The following PLXND1 variants were observed in gnomAD, a reference collection of about 807,000 sequenced individuals.
PLXND1 encodes plexin D1.
PLXND1 carries 54 observed loss-of-function variants against 197.7 expected under a neutral mutation model. The ratio of observed to expected loss-of-function variants is 0.27; its 90% confidence interval spans 0.22 to 0.34. The LOEUF (loss-of-function observed/expected upper bound fraction) is 0.34, where lower values mean the gene tolerates loss of function less well. Ranked by LOEUF, PLXND1 falls within the 10% of genes least tolerant of loss-of-function variation. The pLI, the probability that PLXND1 is intolerant of heterozygous loss-of-function variation, is 1.00. For missense variants in PLXND1, 2,127 were observed against 2,699.2 expected, an observed-to-expected ratio of 0.79 and a Z score of 4.70; for synonymous variants, 1,180 against 1,161.2, an observed-to-expected ratio of 1.02 and a Z score of -0.33.
At chr3:129,573,568 T>C in intron 13 of PLXND1, 26 bp downstream of exon 13, 2 of 1,603,830 alleles carry the variant, frequency 1.2e-6, no homozygotes, top group Non-Finnish European at 1.7e-6. Context: ...CTGGAGAAGG[T>C]AGGTGGGGGC....
At chr3:129,574,190 A>G (rs923617762) in intron 12 of PLXND1, 146 bp downstream of exon 12, 10 of 677,042 alleles carry the variant, frequency 1.5e-5, no homozygotes, top group Admixed American at 1.2e-4. Context: ...TGTGAGGCAG[A>G]GCACTTCCTT....
At position 129,567,530 on chromosome 3, in the gene PLXND1, C is replaced by T; in HGVS notation, c.4048G>A (p.Glu1350Lys). 1 of 1,610,646 alleles carries T rather than the reference C, an allele frequency of 6.2e-7. No homozygotes were observed. The highest frequency in any genetic ancestry group is 1.1e-5 in the South Asian group (1 of 90,504). Residue 1350 changes from glutamate (E) to lysine (K), a missense_variant, in exon 22 of 36, where the codon GAG becomes AAG. This residue lies in a region of PLXND1 where 532 missense variants were observed against 811.0 expected (regional missense o/e 0.66). Transcript: ENST00000324093. ...GTGCGGGTCACGAAGTGCTTATACT[C>T]CAGGAAGGGGATGCCCTGGCTGCGG... ...LNRSQGIPFLEYKHFVTRTFF... is the reference protein window; with the variant it reads ...LNRSQGIPFLKYKHFVTRTFF...
intron 16 of PLXND1, 38 bp from the exon 17 acceptor site, chr3:129,571,637 C>T (rs1296887200): frequency 6.2e-7 from 1 of 1,613,752 alleles, no homozygotes; most frequent in Admixed American, 1.7e-5. Flanking sequence ...GCACCTGCAG[C>T]CCCAGAGAGC....
At position 129,583,487 on chromosome 3, in the gene PLXND1, T is replaced by A. The variant is rs1021893727; in HGVS notation, c.2241+80A>T. The stretch of plus-strand genomic sequence containing the variant: ...AGCTAAGGCGGAATATGCAAAGGCA[T>A]TGAAACATTCTCAACATGTGAATTT... On this transcript the variant is annotated intron_variant, in intron 8 of 35. Transcript: ENST00000324093. The A allele has an allele frequency of 2.8e-5, 25 of 904,008 alleles. No individual in the cohort carries two copies. In the African/African-American group the frequency reaches 4.2e-4, roughly 15 times the overall value. The allele number at this position is 904,008 out of a possible 1,614,324, so 56.0% of individuals were successfully genotyped here. A position where few individuals can be genotyped will look rare whatever the true frequency, so the allele number is the denominator to read the frequency against.
rs747728311 is a variant in PLXND1, at chr3:129,562,786, C to T, written c.4825+1G>A. 2 of 1,590,412 alleles carry T rather than the reference C, an allele frequency of 1.3e-6. No homozygotes were observed. Among genetic ancestry groups the T allele is most frequent in the Non-Finnish European group, 1.7e-6 (2 of 1,160,914 alleles). Reference sequence around the variant, plus strand: ...GGGTCTCTGCCCCCATTCCCACCCACCAAGGTCGACGTCCTCTGCACGCGG... The same window carrying T: ...GGGTCTCTGCCCCCATTCCCACCCATCAAGGTCGACGTCCTCTGCACGCGG... On this transcript the variant is annotated splice_donor_variant, in intron 27 of 35. Coordinates refer to ENST00000324093, the MANE Select transcript of PLXND1 (RefSeq NM_015103.3). LOFTEE classifies it high-confidence loss of function.
chr3:129,584,678 G>A, intron 5 of PLXND1, 116 bp from the exon 6 acceptor site: 1 of 994,270 alleles, frequency 1.0e-6, no homozygotes, highest in Non-Finnish European at 1.5e-6. Flanking sequence ...GGGGGAAGGG[G>A]TAGTGGTGGC....
rs1190974444 is a variant in PLXND1, at chr3:129,605,979, A to G, written c.661T>C (p.Phe221Leu). The part of the protein sequence containing the change: ...ATYTGYGSSF[F>L]PRNRSLEDHR... The stretch of plus-strand genomic sequence containing the variant: ...TCCTCCAGGCTGCGGTTGCGCGGGA[A>G]GAAGGAGCTGCCGTAACCGGTGTAC... The change falls in exon 1 of 36, where the codon TTC becomes CTC. Residue 221 changes from phenylalanine to leucine, a missense_variant. Physicochemically the swap from Phe to Leu is conservative, Grantham distance 22. Coordinates refer to ENST00000324093, the MANE Select transcript of PLXND1 (RefSeq NM_015103.3). The G allele has an allele frequency of 6.2e-7, 1 of 1,610,634 alleles. No individual in the cohort carries two copies. Among genetic ancestry groups the G allele is most frequent in the Non-Finnish European group, 8.5e-7 (1 of 1,179,524 alleles).
At chr3:129,592,834 A>T (rs1226441264) in intron 1 of PLXND1, among the ~76,000 whole-genome samples, 3 of 152,200 alleles carry the variant, frequency 2.0e-5, no homozygotes, top group Non-Finnish European at 4.4e-5. Context: ...AAACCGGCTC[A>T]AACACGGAAG....
chr3:129,565,790 GTCA>G, intron 24 of PLXND1, 94 bp downstream of exon 24: 1 of 1,336,874 alleles, frequency 7.5e-7, no homozygotes, highest in Non-Finnish European at 1.0e-6. Context: ...ATATGGGGGT[GTCA>G]AGAGCCCCAG....
In PLXND1 at chr3:129,571,291, G is replaced by C. The variant is rs2085223533; in HGVS notation, c.3349C>G (p.Leu1117Val). 5.6e-6 allele frequency: 9 copies of C among 1,612,818 alleles called. No individual in the cohort carries two copies. In the East Asian group the frequency reaches 2.0e-4, roughly 36 times the overall value. The change falls in exon 18 of 36, where the codon CTC becomes GTC. Residue 1117 changes from leucine to valine, a missense_variant. By Grantham distance (32) the Leu-to-Val change is conservative. This residue lies in a region of PLXND1 where 532 missense variants were observed against 811.0 expected (regional missense o/e 0.66). Coordinates refer to ENST00000324093, the MANE Select transcript of PLXND1 (RefSeq NM_015103.3). The stretch of plus-strand genomic sequence containing the variant: ...GGGCAGGTGATGAGGGTGGAGTTGA[G>C]AACCTTGCAGAGCTGGTGCAGGAGA... ...IGREPTLCKV[L>V]NSTLITCPSP...
rs1458821734 is a variant in PLXND1, at chr3:129,606,429, C to T, written c.211G>A (p.Val71Met). 2.0e-6 allele frequency: 3 copies of T among 1,474,994 alleles called. No individual in the cohort carries two copies. The highest frequency in any genetic ancestry group is 2.4e-5 in the Admixed American group (1 of 40,870). 91.4% of individuals were successfully genotyped at this position (1,474,994 alleles called of 1,614,324 possible). The change falls in exon 1 of 36, where the codon GTG becomes ATG. Residue 71 changes from valine to methionine, a missense_variant. By Grantham distance (21) the Val-to-Met change is conservative (BLOSUM62 1). Transcript: ENST00000324093. The part of the protein sequence containing the change: ...NFALDGAAGT[V>M]YLAAVNRLYQ... ...AGGCGGTTGACGGCCGCCAGGTACA[C>T]GGTCCCCGCCGCGCCGTCCAGGGCG... is the stretch of plus-strand genomic sequence containing the variant.
Position 129,606,047 on chromosome 3 carries a change from G to A in PLXND1, c.593C>T (p.Pro198Leu), listed in dbSNP as rs866799715. ...NASTVGLVLP[P>L]AAGAGGSRLL... ...GCGGCTGCCCCCCGCGCCCGCGGCGGGAGGCAGAACTAGCCCCACGGTGGA... is the reference window on the plus strand; with the variant it reads ...GCGGCTGCCCCCCGCGCCCGCGGCGAGAGGCAGAACTAGCCCCACGGTGGA... The change falls in exon 1 of 36, where the codon CCC becomes CTC. Residue 198 changes from proline to leucine, a missense_variant. By Grantham distance (98) the Pro-to-Leu change is moderately conservative. Transcript: ENST00000324093. 6.3e-7 allele frequency: 1 copy of A among 1,591,466 alleles called. No homozygotes were observed. The highest frequency in any genetic ancestry group is 2.3e-5 in the East Asian group (1 of 44,124).
At chr3:129,575,742 C>T (rs1056904950) in intron 10 of PLXND1, 24 bp downstream of exon 10, 3 of 1,551,912 alleles carry the variant, frequency 1.9e-6, no homozygotes, top group South Asian at 1.1e-5. Flanking sequence ...CGCCCTCCGC[C>T]CATGCTGGAG....
chr3:129,566,287 G>C (rs2085139232), intron 23 of PLXND1: 1 of 597,024 alleles, frequency 1.7e-6, no homozygotes, highest in East Asian at 2.8e-5. Flanking sequence ...GGTTGAGTGG[G>C]GTGTACAGGG....
Position 129,567,682 on chromosome 3 carries a change from G to T in PLXND1, c.3973+16C>A. On this transcript the variant is annotated intron_variant, in intron 21 of 35. Coordinates refer to ENST00000324093, the MANE Select transcript of PLXND1 (RefSeq NM_015103.3). ...GGAAAGTTGAGGCCCAGCCCTGCAGGGTCCCCGCCCACTACCTTTGCGGAT... is the reference window on the plus strand; with the variant it reads ...GGAAAGTTGAGGCCCAGCCCTGCAGTGTCCCCGCCCACTACCTTTGCGGAT... The T allele has an allele frequency of 6.3e-7, 1 of 1,587,216 alleles. No homozygotes were observed. Among genetic ancestry groups the T allele is most frequent in the Non-Finnish European group, 8.7e-7 (1 of 1,155,756 alleles).
intron 1 of PLXND1, among the ~76,000 whole-genome samples, chr3:129,592,725 T>A (rs6786987): frequency 0.71 from 107,312 of 152,176 alleles, 38,740 homozygotes; most frequent in Non-Finnish European, 0.77. Context: ...AATAAAATTT[T>A]AAAAAATTTT....
intron 3 of PLXND1, 70 bp from the exon 4 acceptor site, chr3:129,586,342 GC>G: frequency 8.0e-7 from 1 of 1,250,890 alleles, no homozygotes; most frequent in Non-Finnish European, 1.1e-6. Flanking sequence ...GGTACGGTCA[GC>G]ATGGTGCGGG....
rs2085801621 is a variant in PLXND1 at position 129,606,672 on chromosome 3, T to G, written c.-33A>C. On this transcript the variant is annotated 5_prime_UTR_variant, in exon 1 of 36. Transcript: ENST00000324093. Reference sequence around the variant, plus strand: ...TGCGCGGGCTGCGCGGCGCGGCGAGTGCATGGGGCGAGGCGCGGCCGGGAG... The same window carrying G: ...TGCGCGGGCTGCGCGGCGCGGCGAGGGCATGGGGCGAGGCGCGGCCGGGAG... 2 of 880,642 alleles carry G rather than the reference T, an allele frequency of 2.3e-6. No individual in the cohort carries two copies. The highest frequency in any genetic ancestry group is 1.4e-6 in the Non-Finnish European group (1 of 737,176). The allele number at this position is 880,642 out of a possible 1,614,324, so 54.6% of individuals were successfully genotyped here.
rs267599601 is a variant in PLXND1, at chr3:129,569,889, G to A, written c.3819C>T (p.Ile1273=). Reference sequence around the variant, plus strand: ...GGACGCTGCAGATGACGATGGACACGATGATGGCCGTCTCGCTGCCCCCCA... The same window carrying A: ...GGACGCTGCAGATGACGATGGACACAATGATGGCCGTCTCGCTGCCCCCCA... ...LQLGGSETAI[I]VSIVICSVLL... is the part of the protein sequence containing the mutation. The change falls in exon 20 of 36, where the codon ATC becomes ATT. Residue 1273 remains isoleucine, a synonymous_variant. Transcript: ENST00000324093. The A allele has an allele frequency of 1.9e-6, 3 of 1,613,078 alleles. No homozygotes were observed. Among genetic ancestry groups the A allele is most frequent in the East Asian group, 2.2e-5 (1 of 44,882 alleles).
Sources: gnomAD v4.1 joint callset for allele counts (sites outside exome capture counted in the v4.1 genomes callset) on GRCh38, gnomAD v4.1.1 for gene constraint, gnomAD v4.1.1 regional missense constraint, MANE v1.5 for transcripts, NCBI Gene and HGNC (gene_info 2026-07-23, HGNC 2026-07-21) for gene names.